DNAJC2: variants seen among roughly 807,000 people sequenced by gnomAD.
DNAJC2 encodes the protein dnaJ homolog subfamily C member 2.
In DNAJC2, 32 loss-of-function variants were observed where a neutral mutation model predicts 94.0. That is an observed-to-expected ratio of 0.34 (90% confidence interval 0.26 to 0.46). The LOEUF is 0.46. Ranked by LOEUF, DNAJC2 falls within the 20% of genes least tolerant of loss-of-function variation. DNAJC2 has a pLI of 1.00. For synonymous variants in DNAJC2, 210 were observed against 229.7 expected, an observed-to-expected ratio of 0.91 and a Z score of 0.77; for missense variants, 550 against 719.5, an observed-to-expected ratio of 0.76 and a Z score of 2.69.
chr7:103,317,600 T>C (rs535710267), intron 12 of DNAJC2, among the ~76,000 whole-genome samples: 2 of 152,180 alleles, frequency 1.3e-5, no homozygotes, highest in Admixed American at 6.5e-5. Context: ...AATGCTAACC[T>C]TGAAAAATTT....
intron 2 of DNAJC2, 40 bp downstream of exon 2, chr7:103,341,724 C>G: frequency 6.8e-7 from 1 of 1,467,056 alleles, no homozygotes; most frequent in South Asian, 1.4e-5. Flanking sequence ...CTATGTCTAA[C>G]AAAGCATCTG....
intron 3 of DNAJC2, among the ~76,000 whole-genome samples, chr7:103,330,873 C>T (rs572140389): frequency 1.1e-3 from 165 of 151,964 alleles, no homozygotes; most frequent in South Asian, 2.1e-3. Flanking sequence ...TGCGCCACCA[C>T]GCCTGACCAC....
chr7:103,326,117 T>C (rs1218030995), intron 5 of DNAJC2, among the ~76,000 whole-genome samples: 1 of 152,062 alleles, frequency 6.6e-6, no homozygotes, highest in East Asian at 1.9e-4. Context: ...GAGCTGGGAT[T>C]ACAGGCATGC....
chr7:103,331,450 G>A (rs1214249577), intron 3 of DNAJC2, among the ~76,000 whole-genome samples: 1 of 152,028 alleles, frequency 6.6e-6, no homozygotes, highest in Non-Finnish European at 1.5e-5. Context: ...AGAACACTGG[G>A]ACTTATTCCT....
Position 103,342,832 on chromosome 7 carries a change from T to C in DNAJC2, c.65-878A>G, listed in dbSNP as rs534279558. Among the ~76,000 whole-genome samples, 126 of 151,472 alleles carry C rather than the reference T, an allele frequency of 8.3e-4. 2 individuals carry two copies. In the South Asian group the frequency reaches 0.025, roughly 30 times the overall value. On this transcript the variant is annotated intron_variant, in intron 1 of 16. Coordinates refer to ENST00000379263, the MANE Select transcript of DNAJC2 (RefSeq NM_014377.3). ...ACCATATTAGCCAGGATGGTCTTGA[T>C]CTCCTGACCTCGTGATCCACCCACC... is the stretch of plus-strand genomic sequence containing the variant.
chr7:103,315,678 T>G, intron 15 of DNAJC2, 86 bp downstream of exon 15: 4 of 841,502 alleles, frequency 4.8e-6, no homozygotes, highest in Non-Finnish European at 7.7e-6. Flanking sequence ...TTCCCTATCA[T>G]TCTGAACATA....
chr7:103,323,471 A>G, intron 7 of DNAJC2, 127 bp downstream of exon 7: 1 of 1,018,838 alleles, frequency 9.8e-7, no homozygotes, highest in Non-Finnish European at 1.3e-6. Context: ...CAAAATATTA[A>G]AAAATTGTTT....
At position 103,312,462 on chromosome 7, in the gene DNAJC2, T is replaced by C. The variant is rs1478622983; in HGVS notation, c.*107A>G. The C allele has an allele frequency of 5.2e-6, 8 of 1,536,196 alleles. No individual in the cohort carries two copies. Among genetic ancestry groups the C allele is most frequent in the African/African-American group, 2.8e-5 (2 of 71,696 alleles). ...AGTCTTTGTTCTCTGAGAAATTATG[T>C]TGGAAGCAGCATACTTTCAAATTAT... is the stretch of plus-strand genomic sequence containing the variant. On this transcript the variant is annotated 3_prime_UTR_variant, in exon 17 of 17. Coordinates refer to ENST00000379263, the MANE Select transcript of DNAJC2 (RefSeq NM_014377.3).
intron 15 of DNAJC2, chr7:103,314,462 C>T (rs1433480423): frequency 1.7e-5 from 17 of 985,246 alleles, no homozygotes; most frequent in East Asian, 1.1e-4. Flanking sequence ...GGTCACCTCT[C>T]CTCACAGAAA....
chr7:103,339,802 T>C (rs576619019), intron 2 of DNAJC2, among the ~76,000 whole-genome samples: 9 of 152,132 alleles, frequency 5.9e-5, no homozygotes, highest in East Asian at 1.9e-4. Context: ...TGTTATGTGA[T>C]TGACCTCTTT....
rs151073464 is a variant in DNAJC2 at position 103,327,809 on chromosome 7, A to T, written c.332-55T>A. ...GTCACTTTAAGCACCAAAAATAAAG[A>T]TGAGCTACATGTAGACCATTTCTAA... On this transcript the variant is annotated intron_variant, in intron 3 of 16. Coordinates refer to ENST00000379263, the MANE Select transcript of DNAJC2 (RefSeq NM_014377.3). 9.4e-4 allele frequency: 1,041 copies of T among 1,103,710 alleles called. 22 individuals are homozygous for T. In the East Asian group the frequency reaches 0.024, roughly 26 times the overall value. The allele number at this position is 1,103,710 out of a possible 1,614,324, so 68.4% of individuals were successfully genotyped here. A position where few individuals can be genotyped will look rare whatever the true frequency, so the allele number is the denominator to read the frequency against.
At chr7:103,318,508 T>C (rs1337924981) in intron 12 of DNAJC2, among the ~76,000 whole-genome samples, 1 of 152,192 alleles carries the variant, frequency 6.6e-6, no homozygotes. Flanking sequence ...CTTGTGGCCC[T>C]TCCTATCCTA....
chr7:103,339,748 T>A, intron 2 of DNAJC2, among the ~76,000 whole-genome samples: 1 of 152,166 alleles, frequency 6.6e-6, no homozygotes, highest in Non-Finnish European at 1.5e-5. Context: ...ATTATAAGCA[T>A]GTGCCACCAT....
Position 103,322,542 on chromosome 7 carries a change from G to C in DNAJC2, c.902C>G (p.Ala301Gly). The C allele has an allele frequency of 6.5e-7, 1 of 1,547,816 alleles. No homozygotes were observed. The highest frequency in any genetic ancestry group is 8.8e-7 in the Non-Finnish European group (1 of 1,130,060). Reference sequence around the variant, plus strand: ...TTTAGCTTCTTGCTCCTTCCGTTTAGCTTCTGCTTTTGCTTTCTTTTCTGC... The same window carrying C: ...TTTAGCTTCTTGCTCCTTCCGTTTACCTTCTGCTTTTGCTTTCTTTTCTGC... ...KEAEKKAKAE[A>G]KRKEQEAKEK... Residue 301 changes from alanine to glycine, a missense_variant, in exon 9 of 17, where the codon GCT (alanine) becomes GGT (glycine). Transcript: ENST00000379263.
intron 3 of DNAJC2, among the ~76,000 whole-genome samples, chr7:103,333,647 C>G (rs1377155464): frequency 6.6e-6 from 1 of 152,148 alleles, no homozygotes; most frequent in East Asian, 1.9e-4. Context: ...TCCCTTGTAC[C>G]CTTTTCCACT....
chr7:103,312,333 A>C lies in DNAJC2; in HGVS notation c.*236T>G. On this transcript the variant is annotated 3_prime_UTR_variant, in exon 17 of 17. Coordinates refer to ENST00000379263, the MANE Select transcript of DNAJC2 (RefSeq NM_014377.3). ...TATAAAACAGAGCTAGAGAAAAATA[A>C]AAATGAACATGTATATACATTTGGA... is the stretch of plus-strand genomic sequence containing the variant. 1 of 1,594,884 alleles carries C rather than the reference A, an allele frequency of 6.3e-7. No homozygotes were observed. The highest frequency in any genetic ancestry group is 8.5e-7 in the Non-Finnish European group (1 of 1,176,818).
At chr7:103,323,539 A>G in intron 7 of DNAJC2, 59 bp downstream of exon 7, 1 of 1,376,630 alleles carries the variant, frequency 7.3e-7, no homozygotes, top group Non-Finnish European at 9.6e-7. Flanking sequence ...TTTTTACATC[A>G]TCACAAATAC....
chr7:103,332,273 C>G (rs536356755), intron 3 of DNAJC2, among the ~76,000 whole-genome samples: 4 of 152,170 alleles, frequency 2.6e-5, no homozygotes, highest in East Asian at 3.9e-4. Flanking sequence ...CCAAAGTGCT[C>G]GGATTATAGG....
Position 103,331,062 on chromosome 7 carries a change from G to A in DNAJC2, c.332-3308C>T, listed in dbSNP as rs553882773. Among the ~76,000 whole-genome samples, 11 of 151,870 alleles carry A rather than the reference G, an allele frequency of 7.2e-5. No individual in the cohort carries two copies. The South Asian group carries it at 8.3e-4, about 11-fold the overall frequency. ...CAACCTCCACCTCCTGGGTTCCAGCGATTCTCCTGTCAGCCTCTGGAGTAT... is the reference window on the plus strand; with the variant it reads ...CAACCTCCACCTCCTGGGTTCCAGCAATTCTCCTGTCAGCCTCTGGAGTAT... On this transcript the variant is annotated intron_variant, in intron 3 of 16. Coordinates refer to ENST00000379263, the MANE Select transcript of DNAJC2 (RefSeq NM_014377.3).
Sources: gnomAD v4.1 joint callset for allele counts (sites outside exome capture counted in the v4.1 genomes callset) on GRCh38, gnomAD v4.1.1 for gene constraint, MANE v1.5 for transcripts, NCBI Gene and HGNC (gene_info 2026-07-23, HGNC 2026-07-21) for gene names.